The following GFOD1 variants were observed in gnomAD, a reference collection of about 807,000 sequenced individuals.
GFOD1 encodes Gfo/Idh/MocA-like oxidoreductase domain containing 1, also known as glucose-fructose oxidoreductase domain-containing protein 1.
GFOD1 carries 9 observed loss-of-function variants against 25.4 expected under a neutral mutation model. The ratio of observed to expected loss-of-function variants is 0.35; its 90% CI spans 0.21 to 0.62. GFOD1 has a LOEUF of 0.62. Among genes scored for constraint, GFOD1 ranks in the 20% least tolerant of loss-of-function variants. The pLI is 0.72. For synonymous variants in GFOD1, 253 were observed against 245.6 expected (o/e 1.03, Z -0.28); for missense variants, 403 against 556.9 (o/e 0.72, Z 2.78).
At chr6:13,404,588 T>A (rs150001046) in intron 1 of GFOD1, among the ~76,000 whole-genome samples, 1 of 152,272 alleles carries the variant, frequency 6.6e-6, no homozygotes, top group East Asian at 1.9e-4. Flanking sequence ...AAGAACTAAA[T>A]GAGGCAACAC....
chr6:13,436,710 G>A (rs1190665096), intron 1 of GFOD1, among the ~76,000 whole-genome samples: 1 of 152,234 alleles, frequency 6.6e-6, no homozygotes, highest in Non-Finnish European at 1.5e-5. Flanking sequence ...GGTGAAGGGT[G>A]ACGATTTTCA....
At chr6:13,372,324 G>A (rs907274420) in intron 1 of GFOD1, among the ~76,000 whole-genome samples, 2 of 152,164 alleles carry the variant, frequency 1.3e-5, no homozygotes, top group African/African-American at 4.8e-5. Context: ...ATGGGGAAAT[G>A]GAAAATCAGC....
At chr6:13,394,610 G>A (rs922161942) in intron 1 of GFOD1, among the ~76,000 whole-genome samples, 8 of 149,630 alleles carry the variant, frequency 5.3e-5, no homozygotes, top group African/African-American at 2.0e-4. Context: ...AAGTAACTGG[G>A]ACTACAGGTG....
intron 1 of GFOD1, among the ~76,000 whole-genome samples, chr6:13,440,657 A>ATG (rs1464810395): frequency 1.3e-5 from 2 of 152,190 alleles, no homozygotes; most frequent in Admixed American, 1.3e-4. Flanking sequence ...CCTGGCAGCA[A>ATG]TTTTGCTACC....
chr6:13,424,956 CTTTTTTT>C (rs571287840), intron 1 of GFOD1, among the ~76,000 whole-genome samples: 2 of 123,900 alleles, frequency 1.6e-5, no homozygotes, highest in Non-Finnish European at 3.4e-5. Flanking sequence ...ACATTTAATT[CTTTTTTT>C]TTTTTTTTTT....
intron 1 of GFOD1, among the ~76,000 whole-genome samples, chr6:13,405,607 T>C (rs1452971527): frequency 3.3e-5 from 5 of 152,154 alleles, no homozygotes; most frequent in African/African-American, 9.7e-5. Context: ...TGAGGTTACA[T>C]AGGAAAAGAA....
At chr6:13,478,561 G>A (rs1282610928) in intron 1 of GFOD1, among the ~76,000 whole-genome samples, 1 of 152,240 alleles carries the variant, frequency 6.6e-6, no homozygotes, top group Non-Finnish European at 1.5e-5. Context: ...CAGCAGGGTG[G>A]TCTCCGCAGC....
chr6:13,388,933 C>G (rs186524079), intron 1 of GFOD1, among the ~76,000 whole-genome samples: 2 of 152,174 alleles, frequency 1.3e-5, no homozygotes, highest in African/African-American at 4.8e-5. Flanking sequence ...AACAAACAAC[C>G]CCATCAAAAA....
chr6:13,411,160 G>A (rs1055729033), intron 1 of GFOD1, among the ~76,000 whole-genome samples: 1 of 152,216 alleles, frequency 6.6e-6, no homozygotes. Flanking sequence ...GGGACACCTT[G>A]AAACACAGAG....
intron 1 of GFOD1, chr6:13,470,643 G>A (rs889919055): frequency 1.4e-6 from 2 of 1,454,260 alleles, no homozygotes; most frequent in African/African-American, 2.9e-5. Flanking sequence ...GTTGGAAAGG[G>A]AGAAGAGACA....
At chr6:13,465,840 T>C (rs1758371129) in intron 1 of GFOD1, among the ~76,000 whole-genome samples, 1 of 152,162 alleles carries the variant, frequency 6.6e-6, no homozygotes, top group African/African-American at 2.4e-5. Flanking sequence ...AGGAAAAAGA[T>C]CCATGTGCAC....
intron 1 of GFOD1, among the ~76,000 whole-genome samples, chr6:13,429,275 C>T (rs956053650): frequency 5.9e-5 from 9 of 152,190 alleles, no homozygotes; most frequent in Non-Finnish European, 1.3e-4. Context: ...GTCTCCTATG[C>T]GGCAGACACT....
intron 1 of GFOD1, among the ~76,000 whole-genome samples, chr6:13,381,915 G>GCGCGCGCACACACA (rs748305101): frequency 7.1e-6 from 1 of 140,052 alleles, no homozygotes; most frequent in African/African-American, 3.0e-5. Flanking sequence ...ACGCGCGCGC[G>GCGCGCGCACACACA]CACACACACA....
At chr6:13,463,911 T>C (rs182320342) in intron 1 of GFOD1, among the ~76,000 whole-genome samples, 1 of 152,296 alleles carries the variant, frequency 6.6e-6, no homozygotes, top group Non-Finnish European at 1.5e-5. Flanking sequence ...TCTAGTTCCA[T>C]CTGCTGGAAT....
At chr6:13,415,892 A>G (rs1435844169) in intron 1 of GFOD1, among the ~76,000 whole-genome samples, 1 of 152,228 alleles carries the variant, frequency 6.6e-6, no homozygotes, top group African/African-American at 2.4e-5. Context: ...TGTTTCTGGC[A>G]CACAGTGGTA....
rs1167562162 is a variant in GFOD1 at position 13,461,915 on chromosome 6, CACCA to C, written c.253+24719_253+24722del. ...GTGTACCAAGCATGGTGCAATGAGTCACCAATGCCCTGGGGCAGAGCAGGCCACC... is the reference window on the plus strand; with the variant it reads ...GTGTACCAAGCATGGTGCAATGAGTCATGCCCTGGGGCAGAGCAGGCCACC... On this transcript the variant is annotated intron_variant, in intron 1 of 1. Transcript: ENST00000379287. Among the ~76,000 whole-genome samples, 44 of 152,314 alleles carry C rather than the reference CACCA, an allele frequency of 2.9e-4. 1 individual carries two copies. The highest frequency in any genetic ancestry group is 2.3e-3 in the East Asian group (12 of 5,162).
intron 1 of GFOD1, among the ~76,000 whole-genome samples, chr6:13,436,478 C>T (rs1230371030): frequency 2.0e-5 from 3 of 152,196 alleles, no homozygotes; most frequent in Non-Finnish European, 4.4e-5. Context: ...TTTTCACTTA[C>T]TGTATCTTAG....
intron 1 of GFOD1, among the ~76,000 whole-genome samples, chr6:13,409,128 A>G (rs1007896360): frequency 1.7e-4 from 8 of 47,434 alleles, no homozygotes; most frequent in Non-Finnish European, 5.1e-4. Flanking sequence ...AAAGAAAGAA[A>G]GAAAGAAAGA....
At chr6:13,381,913 G>GCA (rs1203909396) in intron 1 of GFOD1, among the ~76,000 whole-genome samples, 5 of 104,526 alleles carry the variant, frequency 4.8e-5, no homozygotes, top group African/African-American at 1.5e-4. Flanking sequence ...ACACGCGCGC[G>GCA]CGCACACACA....
Sources: allele counts gnomAD v4.1 joint callset (sites outside exome capture counted in the v4.1 genomes callset), GRCh38; gene constraint gnomAD v4.1.1; transcripts MANE v1.5; gene names NCBI Gene and HGNC (gene_info 2026-07-23, HGNC 2026-07-21).